Variants in GLB1L2 observed in about 807,000 individuals in gnomAD.
The protein encoded by GLB1L2 is beta-galactosidase-1-like protein 2.
Under a neutral mutation model 84.1 loss-of-function variants are expected in GLB1L2, and 68 were observed. The ratio of observed to expected loss-of-function variants is 0.81; its 90% CI spans 0.67 to 0.99. The LOEUF (loss-of-function observed/expected upper bound fraction) is 0.99. Ranked by LOEUF, GLB1L2 falls within the 50% of genes least tolerant of loss-of-function variation. The probability of loss-of-function intolerance (pLI) is 0.00; values close to 1 mark genes in which losing one functional copy is unlikely to be tolerated. For missense variants in GLB1L2, 762 were observed against 805.6 expected, an observed-to-expected ratio of 0.95 and a Z score of 0.66; for synonymous variants, 290 against 318.0, an observed-to-expected ratio of 0.91 and a Z score of 0.94.
In GLB1L2 at chr11:134,376,221, A is replaced by G. The variant is rs1944021752; in HGVS notation, c.*1163A>G. 1.4e-5 allele frequency: 2 copies of G among 143,778 alleles called. No individual in the cohort carries two copies. The highest frequency in any genetic ancestry group is 4.5e-4 in the South Asian group (2 of 4,406). The allele number at this position is 143,778 out of a possible 1,614,324, so 8.9% of individuals were successfully genotyped here. A position where few individuals can be genotyped will look rare whatever the true frequency, so the allele number is the denominator to read the frequency against. On this transcript the variant is annotated 3_prime_UTR_variant, in exon 19 of 19. Coordinates refer to ENST00000535456, the MANE Select transcript of GLB1L2 (RefSeq NM_001370461.1). ...GCAGGGGCAGAGCAGCCCTCCTTCG[A>G]AGTGTGTCCAAGTCCGCATTTGAGC...
At chr11:134,351,649 T>C (rs550127129) in intron 5 of GLB1L2, among the ~76,000 whole-genome samples, 43 of 152,324 alleles carry the variant, frequency 2.8e-4, no homozygotes, top group Non-Finnish European at 5.3e-4. Context: ...CTGGCCTACA[T>C]TGATTGCTTT....
At chr11:134,350,633 G>A (rs769313847) in intron 5 of GLB1L2, among the ~76,000 whole-genome samples, 7 of 152,206 alleles carry the variant, frequency 4.6e-5, no homozygotes, top group Non-Finnish European at 8.8e-5. Flanking sequence ...GCTTTTCTGC[G>A]TGCAGATCAC....
chr11:134,370,327 C>G lies in GLB1L2; in HGVS notation c.1143C>G (p.Pro381=). 2 of 1,613,882 alleles carry G rather than the reference C, an allele frequency of 1.2e-6. No homozygotes were observed. Among genetic ancestry groups the G allele is most frequent in the African/African-American group, 1.3e-5 (1 of 74,934 alleles). ...TCCCTCCCCCACCTGACCTTCTTCC[C>G]AAGATGCCGTATGAGCCCTTAACGC... ...IPLPPPPDLL[P]KMPYEPLTPV... Residue 381 remains proline, a synonymous_variant, in exon 12 of 19, where the codon CCC becomes CCG. Coordinates refer to ENST00000535456, the MANE Select transcript of GLB1L2 (RefSeq NM_001370461.1). The surrounding 1 kb of genome is among the most constrained non-coding windows in gnomAD (Gnocchi z 4.7).
intron 5 of GLB1L2, among the ~76,000 whole-genome samples, chr11:134,351,059 C>T (rs73604963): frequency 0.024 from 3,675 of 152,232 alleles, 150 homozygotes; most frequent in African/African-American, 0.082. Context: ...CTTCCAGTAC[C>T]GTGTTGAATA....
chr11:134,332,901 C>T (rs1943324774), intron 1 of GLB1L2, among the ~76,000 whole-genome samples: 1 of 152,226 alleles, frequency 6.6e-6, no homozygotes, highest in Non-Finnish European at 1.5e-5. Context: ...TTCTACAGCC[C>T]TGACCCTATC....
In GLB1L2 at chr11:134,373,773, C is replaced by G; in HGVS notation, c.1560C>G (p.Ile520Met). The change falls in exon 16 of 19, where the codon ATC becomes ATG. Residue 520 changes from isoleucine (I) to methionine (M), a missense_variant. By Grantham distance (10) the Ile-to-Met change is conservative (BLOSUM62 1). Transcript: ENST00000535456. ...LNDSPLKNFR[I>M]YSLDMKKSFF... is the part of the protein sequence containing the mutation. Reference sequence around the variant, plus strand: ...ATTCACCCCTGAAAAACTTCAGAATCTATAGCCTGGATATGAAGAAGAGCT... The same window carrying G: ...ATTCACCCCTGAAAAACTTCAGAATGTATAGCCTGGATATGAAGAAGAGCT... 1 of 1,612,772 alleles carries G rather than the reference C, an allele frequency of 6.2e-7. No homozygotes were observed. Among genetic ancestry groups the G allele is most frequent in the Non-Finnish European group, 8.5e-7 (1 of 1,178,800 alleles).
At chr11:134,348,487 C>T (rs1943581040) in intron 5 of GLB1L2, among the ~76,000 whole-genome samples, 1 of 152,150 alleles carries the variant, frequency 6.6e-6, no homozygotes, top group Non-Finnish European at 1.5e-5. Context: ...GAGGCACTTG[C>T]AGACGTGCAG....
intron 2 of GLB1L2, among the ~76,000 whole-genome samples, chr11:134,343,973 C>T (rs1943508031): frequency 6.6e-6 from 1 of 152,216 alleles, no homozygotes; most frequent in African/African-American, 2.4e-5. Flanking sequence ...ATCCCTTGTC[C>T]TGTCTTTCGA....
chr11:134,371,447 A>C lies in GLB1L2; in HGVS notation c.1383A>C (p.Gly461=), dbSNP rs1177541551. The change falls in exon 14 of 19, where the codon GGA becomes GGC. Residue 461 remains glycine, a synonymous_variant. Coordinates refer to ENST00000535456, the MANE Select transcript of GLB1L2 (RefSeq NM_001370461.1). ...TGTTTGTGAACACAGTATCCATAGGATTCTTGGACTACAAGACAACGAAGA... is the reference window on the plus strand; with the variant it reads ...TGTTTGTGAACACAGTATCCATAGGCTTCTTGGACTACAAGACAACGAAGA... ...GQVFVNTVSI[G]FLDYKTTKIA... is the part of the protein sequence containing the mutation. 5.6e-6 allele frequency: 9 copies of C among 1,601,016 alleles called. No homozygotes were observed. In the African/African-American group the frequency reaches 6.7e-5, roughly 12 times the overall value.
At chr11:134,366,962 G>T in intron 8 of GLB1L2, 1 of 412,234 alleles carries the variant, frequency 2.4e-6, no homozygotes, top group Non-Finnish European at 4.5e-6. Flanking sequence ...CTTGATCCTG[G>T]ACCAGTGTCT....
At chr11:134,368,417 AC>A (rs1943893646) in intron 9 of GLB1L2, among the ~76,000 whole-genome samples, 1 of 152,160 alleles carries the variant, frequency 6.6e-6, no homozygotes, top group Non-Finnish European at 1.5e-5. Context: ...ACCAGGATTG[AC>A]AGACAACTGG....
Position 134,371,464 on chromosome 11 carries a change from C to G in GLB1L2, c.1400C>G (p.Thr467Arg). 1 of 1,598,382 alleles carries G rather than the reference C, an allele frequency of 6.3e-7. No homozygotes were observed. The highest frequency in any genetic ancestry group is 8.6e-7 in the Non-Finnish European group (1 of 1,165,634). ...TVSIGFLDYK[T>R]TKIAVPLIQG... The stretch of plus-strand genomic sequence containing the variant: ...TCCATAGGATTCTTGGACTACAAGA[C>G]AACGAAGATTGCTGTCCCCCTGATC... Residue 467 changes from threonine to arginine, a missense_variant, in exon 14 of 19, where the codon ACA (threonine) becomes AGA (arginine). Transcript: ENST00000535456.
At chr11:134,359,170 G>A (rs914390586) in intron 7 of GLB1L2, 29 bp downstream of exon 7, 2 of 1,516,216 alleles carry the variant, frequency 1.3e-6, no homozygotes, top group Middle Eastern at 1.7e-4. Flanking sequence ...GGCCGTGGGG[G>A]CTGGCGGCGG....
At chr11:134,345,592 T>C (rs2136267668) in intron 4 of GLB1L2, among the ~76,000 whole-genome samples, 1 of 152,298 alleles carries the variant, frequency 6.6e-6, no homozygotes, top group South Asian at 2.1e-4. Flanking sequence ...TGCCTCAGCC[T>C]CCCGAGTAGC....
In GLB1L2 at chr11:134,344,284, A is replaced by G; in HGVS notation, c.285-103A>G. The G allele has an allele frequency of 2.2e-6, 3 of 1,354,454 alleles. No individual in the cohort carries two copies. In the South Asian group the frequency reaches 3.5e-5, roughly 16 times the overall value. The allele number at this position is 1,354,454 out of a possible 1,614,324, so 83.9% of individuals were successfully genotyped here. ...CAGTCCTAAAATCATGAAGAAACAT[A>G]TCTTTAGCCATCATATTGGATTTTT... On this transcript the variant is annotated intron_variant, in intron 2 of 18. Coordinates refer to ENST00000535456, the MANE Select transcript of GLB1L2 (RefSeq NM_001370461.1).
At chr11:134,368,082 A>G (rs1284194925) in intron 9 of GLB1L2, among the ~76,000 whole-genome samples, 1 of 152,218 alleles carries the variant, frequency 6.6e-6, no homozygotes, top group Non-Finnish European at 1.5e-5. Context: ...CATTTCCCAC[A>G]GATTCAGCAA....
At chr11:134,366,354 G>A (rs938593766) in intron 8 of GLB1L2, among the ~76,000 whole-genome samples, 5 of 152,204 alleles carry the variant, frequency 3.3e-5, no homozygotes, top group Admixed American at 3.3e-4. Flanking sequence ...GGTATGGCTG[G>A]TACCTTCTAC....
intron 7 of GLB1L2, among the ~76,000 whole-genome samples, chr11:134,364,029 C>T (rs1591621868): frequency 1.3e-5 from 2 of 152,164 alleles, no homozygotes; most frequent in East Asian, 3.9e-4. Context: ...AGGCATGCAC[C>T]ACCAACCCTG....
rs550195191 is a variant in GLB1L2 at position 134,361,966 on chromosome 11, G to C, written c.734-2362G>C. ...CCCGCCCTCCCCTTCTCGTGCTGCT[G>C]CGCATCCGGGGAGCGGCCCAGTTAC... is the stretch of plus-strand genomic sequence containing the variant. On this transcript the variant is annotated intron_variant, in intron 7 of 18. Coordinates refer to ENST00000535456, the MANE Select transcript of GLB1L2 (RefSeq NM_001370461.1). Among the ~76,000 whole-genome samples, 8 of 152,236 alleles carry C rather than the reference G, an allele frequency of 5.3e-5. No homozygotes were observed. In the East Asian group the frequency reaches 1.6e-3, roughly 30 times the overall value.
Sources: gnomAD v4.1 joint callset for allele counts (sites outside exome capture counted in the v4.1 genomes callset) on GRCh38, gnomAD v4.1.1 for gene constraint, Gnocchi (gnomAD v3.1) non-coding constraint, MANE v1.5 for transcripts, NCBI Gene and HGNC (gene_info 2026-07-23, HGNC 2026-07-21) for gene names.